SLC4A10: variants seen among roughly 807,000 people sequenced by gnomAD.
SLC4A10 encodes the protein solute carrier family 4 member 10.
In SLC4A10, 42 loss-of-function variants were observed where a neutral mutation model predicts 137.7. The ratio of observed to expected loss-of-function variants is 0.30; its 90% CI spans 0.24 to 0.39. The LOEUF (loss-of-function observed/expected upper bound fraction) is 0.39, where lower values mean the gene tolerates loss of function less well. Ranked by LOEUF, SLC4A10 falls within the 10% of genes least tolerant of loss-of-function variation. SLC4A10 has a pLI of 1.00. For missense variants in SLC4A10, 925 were observed against 1,355.0 expected, an observed-to-expected ratio of 0.68 and a Z score of 4.98; for synonymous variants, 474 against 464.1, an observed-to-expected ratio of 1.02 and a Z score of -0.27.
At position 161,924,657 on chromosome 2, in the gene SLC4A10, G is replaced by A. The variant is rs547228524; in HGVS notation, c.1998-18135G>A. Among the ~76,000 whole-genome samples, 12 of 152,244 alleles carry A rather than the reference G, an allele frequency of 7.9e-5. No individual in the cohort carries two copies. In the East Asian group the frequency reaches 1.2e-3, roughly 15 times the overall value. On this transcript the variant is annotated intron_variant, in intron 15 of 26. Coordinates refer to ENST00000446997, the MANE Select transcript of SLC4A10 (RefSeq NM_001178015.2). Reference sequence around the variant, plus strand: ...AGAGATAGCTTTGACAGGGAGGCACGTAGGTAACTAACGTCCACTTGTAGA... The same window carrying A: ...AGAGATAGCTTTGACAGGGAGGCACATAGGTAACTAACGTCCACTTGTAGA...
At chr2:161,775,678 C>A (rs931416593) in intron 2 of SLC4A10, among the ~76,000 whole-genome samples, 6 of 151,822 alleles carry the variant, frequency 4.0e-5, no homozygotes, top group Admixed American at 2.6e-4. Flanking sequence ...TGAAAGTAAC[C>A]CAGTGCCCCT....
chr2:161,637,277 CA>C (rs1393008714), intron 1 of SLC4A10, among the ~76,000 whole-genome samples: 2 of 151,502 alleles, frequency 1.3e-5, no homozygotes, highest in Non-Finnish European at 2.9e-5. Context: ...TGGCTCACTG[CA>C]ACCTCTACCT....
intron 1 of SLC4A10, among the ~76,000 whole-genome samples, chr2:161,750,781 G>A (rs2048883829): frequency 6.6e-6 from 1 of 151,508 alleles, no homozygotes; most frequent in Admixed American, 6.6e-5. Flanking sequence ...TTTATTTTCT[G>A]GGTGTTCTAT....
intron 6 of SLC4A10, among the ~76,000 whole-genome samples, chr2:161,868,196 A>G (rs1238691750): frequency 1.3e-5 from 2 of 151,934 alleles, no homozygotes; most frequent in Admixed American, 6.6e-5. Flanking sequence ...GAGTTAATAT[A>G]ATACTCAACA....
intron 19 of SLC4A10, among the ~76,000 whole-genome samples, chr2:161,951,949 C>A (rs78029508): frequency 6.6e-6 from 1 of 151,942 alleles, no homozygotes; most frequent in Non-Finnish European, 1.5e-5. Flanking sequence ...CTTTGTAGAA[C>A]GTAAGTTAAG....
At chr2:161,960,381 A>G (rs1416735920) in intron 21 of SLC4A10, among the ~76,000 whole-genome samples, 3 of 148,582 alleles carry the variant, frequency 2.0e-5, no homozygotes, top group East Asian at 3.9e-4. Context: ...AAAAAAAAAA[A>G]AAAAAGAAGA....
intron 15 of SLC4A10, among the ~76,000 whole-genome samples, chr2:161,927,036 C>T (rs1388238478): frequency 3.3e-5 from 5 of 152,016 alleles, no homozygotes; most frequent in African/African-American, 1.2e-4. Context: ...AATTATGTGT[C>T]TTGGAGTTGG....
intron 2 of SLC4A10, among the ~76,000 whole-genome samples, chr2:161,797,598 C>T (rs2054914008): frequency 6.6e-6 from 1 of 151,678 alleles, no homozygotes; most frequent in Admixed American, 6.6e-5. Context: ...CAGGATTAAG[C>T]TGTTTTATAA....
intron 15 of SLC4A10, among the ~76,000 whole-genome samples, chr2:161,915,788 A>G (rs1686989416): frequency 6.6e-6 from 1 of 152,162 alleles, no homozygotes; most frequent in Non-Finnish European, 1.5e-5. Flanking sequence ...ACCTTGTCAC[A>G]AGTCCTGTGA....
chr2:161,685,140 A>G (rs1179852507), intron 1 of SLC4A10, among the ~76,000 whole-genome samples: 1 of 152,156 alleles, frequency 6.6e-6, no homozygotes, highest in African/African-American at 2.4e-5. Context: ...GAATTTATTT[A>G]CTGAGTTATG....
At chr2:161,658,979 T>C (rs749078240) in intron 1 of SLC4A10, among the ~76,000 whole-genome samples, 4 of 152,116 alleles carry the variant, frequency 2.6e-5, no homozygotes, top group Non-Finnish European at 1.5e-5. Context: ...ATAGCCTCCA[T>C]GAAAAACAGT....
chr2:161,631,153 G>C (rs2033477659), intron 1 of SLC4A10, among the ~76,000 whole-genome samples: 1 of 151,654 alleles, frequency 6.6e-6, no homozygotes, highest in Admixed American at 6.6e-5. Flanking sequence ...GGGAGAGTTA[G>C]GAGTGACTGC....
At chr2:161,794,619 T>C (rs2054558118) in intron 2 of SLC4A10, among the ~76,000 whole-genome samples, 1 of 152,146 alleles carries the variant, frequency 6.6e-6, no homozygotes, top group Non-Finnish European at 1.5e-5. Flanking sequence ...CAGTTCACAT[T>C]GGGTATAGAA....
chr2:161,802,674 G>A (rs909585908), intron 2 of SLC4A10, among the ~76,000 whole-genome samples: 1 of 152,132 alleles, frequency 6.6e-6, no homozygotes, highest in Non-Finnish European at 1.5e-5. Flanking sequence ...TTTTCTCACA[G>A]TTCTGGAGGC....
intron 1 of SLC4A10, among the ~76,000 whole-genome samples, chr2:161,647,935 A>G (rs2036283134): frequency 7.2e-5 from 11 of 152,226 alleles, no homozygotes; most frequent in Admixed American, 5.9e-4. Flanking sequence ...ATTAAATGGC[A>G]TGATGGCTGG....
chr2:161,800,674 C>T (rs2055283922), intron 2 of SLC4A10, among the ~76,000 whole-genome samples: 1 of 151,952 alleles, frequency 6.6e-6, no homozygotes, highest in Non-Finnish European at 1.5e-5. Flanking sequence ...AAGAGAATGA[C>T]AGTATGCAAA....
intron 15 of SLC4A10, among the ~76,000 whole-genome samples, chr2:161,939,501 A>G (rs537855328): frequency 6.6e-6 from 1 of 152,288 alleles, no homozygotes; most frequent in Non-Finnish European, 1.5e-5. Flanking sequence ...GTATATAGCC[A>G]CAATTAACAT....
At chr2:161,765,445 A>T (rs565133420) in intron 1 of SLC4A10, among the ~76,000 whole-genome samples, 16 of 152,092 alleles carry the variant, frequency 1.1e-4, no homozygotes, top group African/African-American at 3.6e-4. Flanking sequence ...CGTTTCTACT[A>T]AAAATGGAAA....
intron 1 of SLC4A10, among the ~76,000 whole-genome samples, chr2:161,671,663 A>G (rs2039738766): frequency 1.3e-5 from 2 of 152,186 alleles, no homozygotes; most frequent in Admixed American, 1.3e-4. Flanking sequence ...ACAAGCCTGC[A>G]TATGTAACCC....
Sources: gnomAD v4.1 joint callset for allele counts (sites outside exome capture counted in the v4.1 genomes callset) on GRCh38, gnomAD v4.1.1 for gene constraint, MANE v1.5 for transcripts, NCBI Gene and HGNC (gene_info 2026-07-23, HGNC 2026-07-21) for gene names.